CSMD1: variants seen among roughly 807,000 people sequenced by gnomAD.
CSMD1 encodes the protein CUB and Sushi multiple domains 1.
A neutral mutation model predicts 417.5 loss-of-function variants in CSMD1; 213 were observed. The observed-to-expected ratio is 0.51, with a 90% confidence interval of 0.46 to 0.57. The LOEUF (loss-of-function observed/expected upper bound fraction) is 0.57, where lower values mean the gene tolerates loss of function less well. CSMD1 is among the 20% of genes least tolerant of loss of function. The pLI, the probability that CSMD1 is intolerant of heterozygous loss-of-function variation, is 0.00. For missense variants in CSMD1, 6,923 were observed against 4,529.7 expected, an observed-to-expected ratio of 1.53 and a Z score of -15.17; for synonymous variants, 2,862 against 1,736.8, an observed-to-expected ratio of 1.65 and a Z score of -16.11.
chr8:3,214,777 G>T, intron 29 of CSMD1, 86 bp from the exon 30 acceptor site: 3 of 1,052,194 alleles, frequency 2.9e-6, no homozygotes, highest in South Asian at 1.7e-5. Flanking sequence ...TTCTTTAATT[G>T]TGTTATTTAG....
chr8:3,628,438 T>G (rs1665883328), intron 7 of CSMD1, among the ~76,000 whole-genome samples: 2 of 152,228 alleles, frequency 1.3e-5, no homozygotes, highest in Admixed American at 1.3e-4. Context: ...CCATTAACCG[T>G]AAGTCATGAA....
rs199647742 is a variant in CSMD1 at position 3,824,954 on chromosome 8, T to TC, written c.819-70913_819-70912insG. ...AACCGCAACAATGATTAATCTGATTTTTTAACTGTTGTTTAATAATAAACA... is the reference window on the plus strand; with the variant it reads ...AACCGCAACAATGATTAATCTGATTTCTTTAACTGTTGTTTAATAATAAACA... On this transcript the variant is annotated intron_variant, in intron 5 of 69. Coordinates refer to ENST00000635120, the MANE Select transcript of CSMD1 (RefSeq NM_033225.6). Among the ~76,000 whole-genome samples, 303 of 152,310 alleles carry TC rather than the reference T, an allele frequency of 2.0e-3. 3 individuals carry two copies. Among genetic ancestry groups the TC allele is most frequent in the African/African-American group, 6.8e-3 (281 of 41,564 alleles).
intron 2 of CSMD1, among the ~76,000 whole-genome samples, chr8:4,511,659 C>A (rs2130346918): frequency 6.6e-6 from 1 of 152,240 alleles, no homozygotes; most frequent in South Asian, 2.1e-4. Flanking sequence ...AACCCACAAG[C>A]ACAAAGCTCC....
At chr8:3,073,412 A>G (rs1219193788) in intron 49 of CSMD1, among the ~76,000 whole-genome samples, 2 of 152,228 alleles carry the variant, frequency 1.3e-5, no homozygotes, top group African/African-American at 4.8e-5. Flanking sequence ...CTGGGTAGCC[A>G]TCTGAGAGGG....
At chr8:3,549,987 T>C (rs1253737901) in intron 10 of CSMD1, among the ~76,000 whole-genome samples, 1 of 152,224 alleles carries the variant, frequency 6.6e-6, no homozygotes, top group Non-Finnish European at 1.5e-5. Flanking sequence ...AGAGTTAATA[T>C]ATGTGTTGCT....
chr8:3,897,284 C>T (rs1807433394), intron 5 of CSMD1, among the ~76,000 whole-genome samples: 1 of 152,196 alleles, frequency 6.6e-6, no homozygotes, highest in Non-Finnish European at 1.5e-5. Context: ...TTTTAATTAT[C>T]TACACTTAAG....
intron 5 of CSMD1, among the ~76,000 whole-genome samples, chr8:3,968,142 G>C (rs1585049212): frequency 6.6e-6 from 1 of 151,470 alleles, no homozygotes; most frequent in Non-Finnish European, 1.5e-5. Flanking sequence ...AGCCGAGATC[G>C]ACCCACTGCA....
intron 3 of CSMD1, among the ~76,000 whole-genome samples, chr8:4,241,099 T>A (rs1031184867): frequency 6.6e-6 from 1 of 152,264 alleles, no homozygotes; most frequent in South Asian, 2.1e-4. Context: ...CTACATAGAA[T>A]CCTCTAAACC....
chr8:4,709,200 G>A (rs1808136749), intron 1 of CSMD1, among the ~76,000 whole-genome samples: 1 of 152,140 alleles, frequency 6.6e-6, no homozygotes, highest in South Asian at 2.1e-4. Flanking sequence ...TCGAGAGAGA[G>A]GAATTCCTCG....
intron 10 of CSMD1, among the ~76,000 whole-genome samples, chr8:3,558,545 C>T (rs1799300278): frequency 6.7e-6 from 1 of 148,948 alleles, no homozygotes; most frequent in Admixed American, 6.7e-5. Flanking sequence ...TGAACGGTGT[C>T]TCAATGGTAC....
intron 63 of CSMD1, 110 bp from the exon 64 acceptor site, chr8:2,955,878 G>A (rs942412002): frequency 1.4e-5 from 11 of 814,188 alleles, no homozygotes; most frequent in African/African-American, 1.2e-4. Flanking sequence ...CAGTCAATAT[G>A]TATATATACA....
chr8:2,946,920 G>A lies in CSMD1; in HGVS notation c.10402+2379C>T, dbSNP rs144935244. Among the ~76,000 whole-genome samples, 20 of 152,270 alleles carry A rather than the reference G, an allele frequency of 1.3e-4. 1 individual carries two copies. Among genetic ancestry groups the A allele is most frequent in the African/African-American group, 4.8e-4 (20 of 41,542 alleles). On this transcript the variant is annotated intron_variant, in intron 68 of 69. Coordinates refer to ENST00000635120, the MANE Select transcript of CSMD1 (RefSeq NM_033225.6). ...TGACTTTTAGATCACAGCCATCCTT[G>A]TGGACATGAAGGGGTATCCCAGTGT... is the stretch of plus-strand genomic sequence containing the variant.
intron 7 of CSMD1, among the ~76,000 whole-genome samples, chr8:3,617,612 T>C (rs1014240786): frequency 2.0e-5 from 3 of 152,160 alleles, no homozygotes; most frequent in Non-Finnish European, 2.9e-5. Flanking sequence ...ACTCTGAAAA[T>C]TTCTGTGTCC....
At chr8:4,207,535 A>G (rs1274294372) in intron 3 of CSMD1, among the ~76,000 whole-genome samples, 1 of 152,162 alleles carries the variant, frequency 6.6e-6, no homozygotes, top group Non-Finnish European at 1.5e-5. Flanking sequence ...TTTAGTTTCA[A>G]ATGTCCATCA....
chr8:3,731,459 C>T (rs952971291), intron 6 of CSMD1, among the ~76,000 whole-genome samples: 1 of 152,108 alleles, frequency 6.6e-6, no homozygotes, highest in Non-Finnish European at 1.5e-5. Context: ...AGTTTTAACC[C>T]CTTCAATTCA....
intron 5 of CSMD1, among the ~76,000 whole-genome samples, chr8:3,959,160 A>G (rs140956919): frequency 6.6e-6 from 1 of 152,360 alleles, no homozygotes; most frequent in African/African-American, 2.4e-5. Context: ...TAATTTGAGT[A>G]TAAGAAGTTA....
chr8:4,143,974 G>C (rs914438367), intron 3 of CSMD1, among the ~76,000 whole-genome samples: 2 of 151,372 alleles, frequency 1.3e-5, no homozygotes, highest in Non-Finnish European at 2.9e-5. Flanking sequence ...GCCAATCCAA[G>C]GCACTCTCCC....
intron 26 of CSMD1, among the ~76,000 whole-genome samples, chr8:3,266,290 C>T (rs1200243931): frequency 6.6e-6 from 1 of 151,340 alleles, no homozygotes; most frequent in Non-Finnish European, 1.5e-5. Context: ...AGTAGCACCA[C>T]AGTTCTGCAA....
chr8:4,297,916 G>C (rs1242876269), intron 3 of CSMD1, among the ~76,000 whole-genome samples: 3 of 152,128 alleles, frequency 2.0e-5, no homozygotes, highest in South Asian at 2.1e-4. Flanking sequence ...TAATCAGAAA[G>C]GTTTTTATTA....
Sources: allele counts gnomAD v4.1 joint callset (sites outside exome capture counted in the v4.1 genomes callset), GRCh38; gene constraint gnomAD v4.1.1; transcripts MANE v1.5; gene names NCBI Gene and HGNC (gene_info 2026-07-23, HGNC 2026-07-21).